ADI1: variants seen among roughly 807,000 people sequenced by gnomAD.
The protein encoded by ADI1 is acireductone dioxygenase.
In ADI1, 21 loss-of-function variants were observed where a neutral mutation model predicts 18.7. The observed-to-expected ratio is 1.13, with a 90% confidence interval of 0.80 to 1.62. The LOEUF (loss-of-function observed/expected upper bound fraction) is 1.62. Ranked by LOEUF, ADI1 falls within the 40% of genes most tolerant of loss-of-function variation. The pLI is 0.00. For synonymous variants in ADI1, 90 were observed against 100.1 expected, an observed-to-expected ratio of 0.90 and a Z score of 0.60; for missense variants, 245 against 254.9, an observed-to-expected ratio of 0.96 and a Z score of 0.26.
chr2:3,507,451 G>C (rs1163059201), intron 2 of ADI1, among the ~76,000 whole-genome samples: 1 of 150,730 alleles, frequency 6.6e-6, no homozygotes, highest in Non-Finnish European at 1.5e-5. Context: ...CTAACCTATA[G>C]AAGAAAAAAG....
chr2:3,514,606 G>A (rs2103212617), intron 1 of ADI1, among the ~76,000 whole-genome samples: 1 of 152,230 alleles, frequency 6.6e-6, no homozygotes, highest in Admixed American at 6.5e-5. Context: ...AGCTTTCTAT[G>A]CCTAAAATTC....
chr2:3,504,647 T>A (rs1239359851), intron 2 of ADI1, among the ~76,000 whole-genome samples: 2 of 152,268 alleles, frequency 1.3e-5, no homozygotes, highest in Non-Finnish European at 2.9e-5. Context: ...CTCTTAGTTC[T>A]ATCTGGTATT....
chr2:3,498,577 A>G lies in ADI1; in HGVS notation c.*386T>C, dbSNP rs1049880972. On this transcript the variant is annotated 3_prime_UTR_variant, in exon 4 of 4. Transcript: ENST00000327435. The stretch of plus-strand genomic sequence containing the variant: ...CCCAAGGCATCATTTTGGAGAAAAA[A>G]GTGTCTTCTATCTGGCTAGCTGTGT... 6.1e-6 allele frequency: 1 copy of G among 164,312 alleles called. No individual in the cohort carries two copies. The highest frequency in any genetic ancestry group is 1.3e-5 in the Non-Finnish European group (1 of 76,420). The allele number at this position is 164,312 out of a possible 1,614,324, so 10.2% of individuals were successfully genotyped here.
intron 2 of ADI1, 112 bp from the exon 3 acceptor site, chr2:3,501,105 C>T (rs959413798): frequency 7.0e-6 from 6 of 851,892 alleles, no homozygotes; most frequent in Non-Finnish European, 1.0e-5. Context: ...GTGAATGGGA[C>T]TTCTCTCCAT....
chr2:3,498,652 T>C lies in ADI1; in HGVS notation c.*311A>G. The C allele has an allele frequency of 3.8e-6, 1 of 263,282 alleles. No individual in the cohort carries two copies. Among genetic ancestry groups the C allele is most frequent in the East Asian group, 7.1e-5 (1 of 14,162 alleles). 16.3% of individuals were successfully genotyped at this position (263,282 alleles called of 1,614,324 possible). On this transcript the variant is annotated 3_prime_UTR_variant, in exon 4 of 4. Transcript: ENST00000327435. Reference sequence around the variant, plus strand: ...CGGCAGGCGCGGCATCACGTCCAGATGGGCATCTAAGGAACTGCATTTCGG... The same window carrying C: ...CGGCAGGCGCGGCATCACGTCCAGACGGGCATCTAAGGAACTGCATTTCGG...
chr2:3,506,677 C>T (rs1414277692), intron 2 of ADI1, among the ~76,000 whole-genome samples: 1 of 152,144 alleles, frequency 6.6e-6, no homozygotes, highest in African/African-American at 2.4e-5. Flanking sequence ...AGTTATTTTG[C>T]ACATATCAGC....
At chr2:3,511,533 CTGTAGAG>C in intron 2 of ADI1, among the ~76,000 whole-genome samples, 1 of 152,310 alleles carries the variant, frequency 6.6e-6, no homozygotes, top group East Asian at 1.9e-4. Context: ...CACATGCTTC[CTGTAGAG>C]CCTGCAGATT....
chr2:3,500,186 G>A (rs1345213415), intron 3 of ADI1, among the ~76,000 whole-genome samples: 1 of 152,138 alleles, frequency 6.6e-6, no homozygotes, highest in Non-Finnish European at 1.5e-5. Flanking sequence ...TGGGAGGCTG[G>A]GAACAGGGGT....
intron 1 of ADI1, among the ~76,000 whole-genome samples, chr2:3,514,652 T>C (rs1185393859): frequency 6.6e-6 from 1 of 152,240 alleles, no homozygotes; most frequent in Non-Finnish European, 1.5e-5. Flanking sequence ...ATCCTATCTC[T>C]ATTAAGGTTC....
intron 2 of ADI1, among the ~76,000 whole-genome samples, chr2:3,502,834 A>C (rs1667055060): frequency 6.6e-6 from 1 of 152,122 alleles, no homozygotes; most frequent in Non-Finnish European, 1.5e-5. Context: ...CTTAGGTTGC[A>C]CTCAGTAGGC....
At chr2:3,504,574 G>A (rs1273288638) in intron 2 of ADI1, among the ~76,000 whole-genome samples, 2 of 152,218 alleles carry the variant, frequency 1.3e-5, no homozygotes, top group Non-Finnish European at 2.9e-5. Flanking sequence ...ATTTGACATA[G>A]AGAAAAGGAA....
rs1667343715 is a variant in ADI1, at chr2:3,513,913, AGT to A, written c.182_183del (p.Tyr61PhefsTer12). The A allele has an allele frequency of 6.2e-7, 1 of 1,612,396 alleles. No homozygotes were observed. Among genetic ancestry groups the A allele is most frequent in the Non-Finnish European group, 8.5e-7 (1 of 1,179,632 alleles). ...CATATGGTTATGATGTCCATCCAGG[AGT>A]AGTTCCTCTCTCTTCGGATCTTTTC... ...ELEKIRRERN[Y>X]SWMDIITICK... On this transcript the variant is annotated frameshift_variant, in exon 2 of 4. Coordinates refer to ENST00000327435, the MANE Select transcript of ADI1 (RefSeq NM_018269.4). LOFTEE classifies it high-confidence loss of function.
At chr2:3,516,337 C>T in intron 1 of ADI1, 1 of 152,780 alleles carries the variant, frequency 6.5e-6, no homozygotes, top group Non-Finnish European at 1.5e-5. Context: ...CAAAAATTAG[C>T]CAGGCATGGT....
chr2:3,518,490 G>T (rs986866679), intron 1 of ADI1, among the ~76,000 whole-genome samples: 2 of 152,232 alleles, frequency 1.3e-5, no homozygotes, highest in African/African-American at 2.4e-5. Context: ...GACTGGTGCT[G>T]TGCAAGCAAC....
At chr2:3,499,458 C>A (rs10204394) in intron 3 of ADI1, among the ~76,000 whole-genome samples, 1 of 152,118 alleles carries the variant, frequency 6.6e-6, no homozygotes, top group Admixed American at 6.5e-5. Context: ...TCAGGGCCCA[C>A]ATGTTGCTGG....
Position 3,499,055 on chromosome 2 carries a change from C to G in ADI1, c.448G>C (p.Val150Leu). 1.2e-6 allele frequency: 2 copies of G among 1,614,102 alleles called. No individual in the cohort carries two copies. The change falls in exon 4 of 4, where the codon GTG (valine) becomes CTG (leucine). Residue 150 changes from valine to leucine, a missense_variant. Val to Leu is a conservative substitution (Grantham distance 32). Transcript: ENST00000327435. ...KNYTKAMRLFVGEPVWTAYNR... is the reference protein window; with the variant it reads ...KNYTKAMRLFLGEPVWTAYNR... Reference sequence around the variant, plus strand: ...TACGCTGTCCACACCGGTTCTCCCACAAACAGCCGCATGGCCTTCGTGTAG... The same window carrying G: ...TACGCTGTCCACACCGGTTCTCCCAGAAACAGCCGCATGGCCTTCGTGTAG...
At chr2:3,516,837 C>T (rs942461385) in intron 1 of ADI1, 93 of 985,370 alleles carry the variant, frequency 9.4e-5, no homozygotes, top group Middle Eastern at 5.2e-4. Flanking sequence ...AACATGTCCA[C>T]ATGTGTTACC....
chr2:3,502,042 C>CAG (rs1553332489), intron 2 of ADI1, among the ~76,000 whole-genome samples: 4 of 45,324 alleles, frequency 8.8e-5, no homozygotes, highest in Non-Finnish European at 1.4e-4. Flanking sequence ...CACACACACA[C>CAG]AGAGACAGGG....
chr2:3,504,242 C>T (rs1667122510), intron 2 of ADI1, among the ~76,000 whole-genome samples: 2 of 152,206 alleles, frequency 1.3e-5, no homozygotes, highest in South Asian at 4.1e-4. Context: ...CACGACCTAA[C>T]ACTGAGGAAA....
Sources: gnomAD v4.1 joint callset for allele counts (sites outside exome capture counted in the v4.1 genomes callset) on GRCh38, gnomAD v4.1.1 for gene constraint, MANE v1.5 for transcripts, NCBI Gene and HGNC (gene_info 2026-07-23, HGNC 2026-07-21) for gene names.